The following RNF168 variants were observed in gnomAD, a reference collection of about 807,000 sequenced individuals.
The protein encoded by RNF168 is E3 ubiquitin-protein ligase RNF168.
Under a neutral mutation model 34.9 loss-of-function variants are expected in RNF168, and 34 were observed. The observed-to-expected ratio is 0.97, with a 90% CI of 0.74 to 1.30. RNF168 has a LOEUF of 1.30. Among genes scored for constraint, RNF168 ranks in the 50% most tolerant of loss-of-function variants. The pLI, the probability that RNF168 is intolerant of heterozygous loss-of-function variation, is 0.00. For synonymous variants in RNF168, 264 were observed against 254.7 expected (o/e 1.04, Z -0.35); for missense variants, 725 against 682.5 (o/e 1.06, Z -0.69).
At chr3:196,485,500 A>G (rs1732402393) in intron 3 of RNF168, among the ~76,000 whole-genome samples, 1 of 152,142 alleles carries the variant, frequency 6.6e-6, no homozygotes, top group South Asian at 2.1e-4. Context: ...AAAAAAAAAA[A>G]AAGTTAAAAA....
chr3:196,477,027 C>A (rs1260277766), intron 4 of RNF168, among the ~76,000 whole-genome samples: 3 of 152,188 alleles, frequency 2.0e-5, no homozygotes, highest in African/African-American at 7.2e-5. Flanking sequence ...GGATTACAGG[C>A]GTGAGCCACT....
rs753020221 is a variant in RNF168 at position 196,472,691 on chromosome 3, A to T, written c.844T>A (p.Ser282Thr). ...GCACCTTGTTCTCCAACTCCAAGGG[A>T]TATCTGTGGAGAAAGTGTCGGCATA... ...EDMPTLSPQI[S>T]LGVGEQGADS... Residue 282 changes from serine to threonine, a missense_variant, in exon 6 of 6, where the codon TCC (serine) becomes ACC (threonine). Ser to Thr is a moderately conservative substitution (Grantham distance 58). Coordinates refer to ENST00000318037, the MANE Select transcript of RNF168 (RefSeq NM_152617.4). The T allele has an allele frequency of 1.9e-6, 3 of 1,606,642 alleles. No individual in the cohort carries two copies. The highest frequency in any genetic ancestry group is 2.6e-6 in the Non-Finnish European group (3 of 1,173,602).
chr3:196,475,569 G>A (rs867104492), intron 4 of RNF168, among the ~76,000 whole-genome samples: 1 of 37,330 alleles, frequency 2.7e-5, no homozygotes, highest in Admixed American at 2.0e-4. Flanking sequence ...TTTTTTTTTT[G>A]AGATAGAGTC....
chr3:196,484,627 A>T (rs1224420060), intron 3 of RNF168, among the ~76,000 whole-genome samples: 1 of 151,744 alleles, frequency 6.6e-6, no homozygotes, highest in Middle Eastern at 3.2e-3. Context: ...GACTACAGGC[A>T]TGAGCCACCA....
intron 1 of RNF168, among the ~76,000 whole-genome samples, chr3:196,495,509 G>A (rs1312917012): frequency 1.3e-5 from 2 of 152,132 alleles, no homozygotes; most frequent in East Asian, 3.9e-4. Context: ...TGACATTTTT[G>A]AGGTACTAAC....
At chr3:196,499,463 T>C (rs1381547636) in intron 1 of RNF168, among the ~76,000 whole-genome samples, 2 of 152,304 alleles carry the variant, frequency 1.3e-5, no homozygotes, top group East Asian at 1.9e-4. Context: ...ACAGTAGCCC[T>C]AGGAAATAAA....
In RNF168 at chr3:196,484,171, C is replaced by CTTTTTTTTTTTTTTTTTTT. The variant is rs71699491; in HGVS notation, c.559-281_559-280insAAAAAAAAAAAAAAAAAAA. The stretch of plus-strand genomic sequence containing the variant: ...GATAATTCCTGTTGATCTTTCTTTC[C>CTTTTTTTTTTTTTTTTTTT]TTTTTTTTTTTTTTTTTGAGACGCA... On this transcript the variant is annotated intron_variant, in intron 3 of 5. Transcript: ENST00000318037. 1.7e-5 allele frequency among the ~76,000 whole-genome samples: 2 copies of CTTTTTTTTTTTTTTTTTTT among 119,462 alleles called. 1 individual carries two copies. The allele number at this position is 119,462 out of a possible 152,430, so 78.4% of individuals were successfully genotyped here. A position where few individuals can be genotyped will look rare whatever the true frequency, so the allele number is the denominator to read the frequency against.
chr3:196,478,718 G>A (rs1262493976), intron 4 of RNF168, among the ~76,000 whole-genome samples: 1 of 151,892 alleles, frequency 6.6e-6, no homozygotes, highest in Non-Finnish European at 1.5e-5. Context: ...CCAGACTGAA[G>A]TACAATGGCA....
At position 196,472,561 on chromosome 3, in the gene RNF168, A is replaced by G. The variant is rs763038040; in HGVS notation, c.974T>C (p.Leu325Ser). The G allele has an allele frequency of 1.9e-6, 3 of 1,614,126 alleles. No homozygotes were observed. Among genetic ancestry groups the G allele is most frequent in the Non-Finnish European group, 2.5e-6 (3 of 1,180,016 alleles). ...KTRPSNHGKELCVLSHERPKT... is the reference protein window; with the variant it reads ...KTRPSNHGKESCVLSHERPKT... The stretch of plus-strand genomic sequence containing the variant: ...AGGTCGCTCGTGACTTAAGACACAT[A>G]ACTCTTTCCCATGATTGCTTGGTCT... Residue 325 changes from leucine (L) to serine (S), a missense_variant, in exon 6 of 6, where the codon TTA becomes TCA. Coordinates refer to ENST00000318037, the MANE Select transcript of RNF168 (RefSeq NM_152617.4).
At chr3:196,483,995 T>G in intron 3 of RNF168, 104 bp from the exon 4 acceptor site, 1 of 876,698 alleles carries the variant, frequency 1.1e-6, no homozygotes, top group Non-Finnish European at 1.9e-6. Context: ...TTTTCAGAAA[T>G]TATAGTTATA....
intron 4 of RNF168, among the ~76,000 whole-genome samples, chr3:196,479,606 CTT>C (rs144592329): frequency 6.7e-6 from 1 of 148,212 alleles, no homozygotes; most frequent in African/African-American, 2.5e-5. Flanking sequence ...CAGCCTCACG[CTT>C]TTTTTTTTGA....
intron 1 of RNF168, among the ~76,000 whole-genome samples, chr3:196,490,624 T>C (rs981567040): frequency 1.3e-5 from 2 of 150,520 alleles, no homozygotes; most frequent in Non-Finnish European, 3.0e-5. Flanking sequence ...AAAAAGAAAA[T>C]CCAGCAATCA....
intron 1 of RNF168, among the ~76,000 whole-genome samples, chr3:196,502,039 G>A (rs897359908): frequency 5.7e-5 from 5 of 88,360 alleles, no homozygotes; most frequent in Non-Finnish European, 8.6e-5. Context: ...ATATAACTGT[G>A]ACCAAAAAAA....
At chr3:196,484,909 G>A (rs1732387949) in intron 3 of RNF168, among the ~76,000 whole-genome samples, 1 of 152,092 alleles carries the variant, frequency 6.6e-6, no homozygotes, top group Admixed American at 6.6e-5. Context: ...CCCCACCACA[G>A]CCTTCCAAAG....
chr3:196,502,847 CAACA>C, intron 1 of RNF168, 22 bp downstream of exon 1: 6 of 1,606,906 alleles, frequency 3.7e-6, no homozygotes, highest in Non-Finnish European at 5.1e-6. Flanking sequence ...GGCTTTTGGC[CAACA>C]AACACGCCAT....
In RNF168 at chr3:196,503,149, G is replaced by A; in HGVS notation, c.25C>T (p.Pro9Ser). 2 of 1,614,136 alleles carry A rather than the reference G, an allele frequency of 1.2e-6. No homozygotes were observed. The highest frequency in any genetic ancestry group is 8.5e-7 in the Non-Finnish European group (1 of 1,180,000). MALPKDAI[P>S]SLSECQCGIC... is the part of the protein sequence containing the mutation. ...CCGCACTGGCACTCGGACAGCGAGG[G>A]GATGGCGTCTTTGGGTAGAGCCATT... The change falls in exon 1 of 6, where the codon CCC (proline) becomes TCC (serine). Residue 9 changes from proline to serine, a missense_variant. Coordinates refer to ENST00000318037, the MANE Select transcript of RNF168 (RefSeq NM_152617.4).
intron 4 of RNF168, among the ~76,000 whole-genome samples, chr3:196,481,362 A>G (rs559829822): frequency 4.3e-4 from 66 of 152,050 alleles, no homozygotes; most frequent in Non-Finnish European, 8.4e-4. Context: ...ACTTGTACCC[A>G]GGAGTTTGAG....
chr3:196,497,310 T>C (rs188404264), intron 1 of RNF168, among the ~76,000 whole-genome samples: 1 of 152,240 alleles, frequency 6.6e-6, no homozygotes, highest in Admixed American at 6.5e-5. Flanking sequence ...TGGGAAAAAG[T>C]TAACCTCAAC....
At chr3:196,490,375 C>G (rs1306862103) in intron 1 of RNF168, among the ~76,000 whole-genome samples, 2 of 152,150 alleles carry the variant, frequency 1.3e-5, no homozygotes, top group African/African-American at 2.4e-5. Flanking sequence ...GCAGCTGCTA[C>G]TCAACTCCAG....
Sources: allele counts gnomAD v4.1 joint callset (sites outside exome capture counted in the v4.1 genomes callset), GRCh38; gene constraint gnomAD v4.1.1; transcripts MANE v1.5; gene names NCBI Gene and HGNC (gene_info 2026-07-23, HGNC 2026-07-21).